The following PITPNM2 variants were observed in gnomAD, a reference collection of about 807,000 sequenced individuals.
The protein encoded by PITPNM2 is membrane-associated phosphatidylinositol transfer protein 2.
In PITPNM2, 35 loss-of-function variants were observed where a neutral mutation model predicts 132.2. That is an observed-to-expected ratio of 0.26 (90% CI 0.20 to 0.35). The LOEUF (loss-of-function observed/expected upper bound fraction) is 0.35, where lower values mean the gene tolerates loss of function less well. PITPNM2 is among the 10% of genes least tolerant of loss of function. The probability of loss-of-function intolerance (pLI) is 1.00; values close to 1 mark genes in which losing one functional copy is unlikely to be tolerated. For synonymous variants in PITPNM2, 738 were observed against 799.2 expected (o/e 0.92, Z 1.29); for missense variants, 1,332 against 1,912.0 (o/e 0.70, Z 5.66).
Position 123,009,088 on chromosome 12 carries a change from C to T in PITPNM2, c.643+762G>A, listed in dbSNP as rs2039061931. On this transcript the variant is annotated intron_variant, in intron 6 of 25. Transcript: ENST00000320201. The surrounding 1 kb of genome is among the most constrained non-coding windows in gnomAD (Gnocchi z 4.8). ...GGTTATCGTAAGCTTACGTGACAAGCGTGATATGTACTGTCAACAGTGTGG... is the reference window on the plus strand; with the variant it reads ...GGTTATCGTAAGCTTACGTGACAAGTGTGATATGTACTGTCAACAGTGTGG... Among the ~76,000 whole-genome samples, 4 of 152,184 alleles carry T rather than the reference C, an allele frequency of 2.6e-5. No homozygotes were observed. The highest frequency in any genetic ancestry group is 5.9e-5 in the Non-Finnish European group (4 of 68,040).
At chr12:122,990,516 G>T in intron 17 of PITPNM2, 29 bp downstream of exon 17, 1 of 1,610,496 alleles carries the variant, frequency 6.2e-7, no homozygotes, top group Non-Finnish European at 8.5e-7. Flanking sequence ...CTGGCTGAGT[G>T]AGGAGGGTGA....
Position 122,985,280 on chromosome 12 carries a change from A to C in PITPNM2, c.*747T>G, listed in dbSNP as rs2037888832. On this transcript the variant is annotated 3_prime_UTR_variant, in exon 26 of 26. Coordinates refer to ENST00000320201, the MANE Select transcript of PITPNM2 (RefSeq NM_020845.3). ...AAACGTGGGCGGGCGGCCTTGACTGATGGCAGGGAGCGGAAGAGGCGGCCA... is the reference window on the plus strand; with the variant it reads ...AAACGTGGGCGGGCGGCCTTGACTGCTGGCAGGGAGCGGAAGAGGCGGCCA... 6.6e-6 allele frequency: 1 copy of C among 152,476 alleles called. No homozygotes were observed. The highest frequency in any genetic ancestry group is 2.1e-4 in the South Asian group (1 of 4,838). The allele number at this position is 152,476 out of a possible 1,614,324, so 9.4% of individuals were successfully genotyped here. A position where few individuals can be genotyped will look rare whatever the true frequency, so the allele number is the denominator to read the frequency against.
intron 3 of PITPNM2, among the ~76,000 whole-genome samples, chr12:123,025,309 G>C (rs1270195298): frequency 6.6e-6 from 1 of 152,144 alleles, no homozygotes; most frequent in Non-Finnish European, 1.5e-5. Flanking sequence ...CCATGGCCCA[G>C]AGCGATTGAG....
chr12:123,051,764 G>A (rs948799587), intron 2 of PITPNM2, among the ~76,000 whole-genome samples: 1 of 152,190 alleles, frequency 6.6e-6, no homozygotes, highest in African/African-American at 2.4e-5. Context: ...CTTAGGATGA[G>A]GGTCTGTTTT....
At chr12:123,034,813 C>G in intron 2 of PITPNM2, 128 bp from the exon 3 acceptor site, 1 of 521,694 alleles carries the variant, frequency 1.9e-6, no homozygotes, top group Non-Finnish European at 3.4e-6. Flanking sequence ...CATGATCCAA[C>G]GGTGCAACTT....
At position 123,108,423 on chromosome 12, in the gene PITPNM2, A is replaced by G. The variant is rs1431825176; in HGVS notation, c.-96+1962T>C. ...GTGTTGAAGCAGCGTCCCTCAGAGC[A>G]ATGTCAGTGCTCAGGCCATGCAGGG... On this transcript the variant is annotated intron_variant, in intron 2 of 25. Transcript: ENST00000320201. The surrounding 1 kb of genome is among the most constrained non-coding windows in gnomAD (Gnocchi z 4.4). 6.6e-6 allele frequency among the ~76,000 whole-genome samples: 1 copy of G among 152,148 alleles called. No individual in the cohort carries two copies. The highest frequency in any genetic ancestry group is 1.9e-4 in the East Asian group (1 of 5,180).
At chr12:123,068,073 C>T (rs1197308256) in intron 2 of PITPNM2, among the ~76,000 whole-genome samples, 1 of 152,198 alleles carries the variant, frequency 6.6e-6, no homozygotes, top group Non-Finnish European at 1.5e-5. Flanking sequence ...CACTGGCCTC[C>T]CCCTGCCCAG....
intron 1 of PITPNM2, among the ~76,000 whole-genome samples, chr12:123,114,320 A>G (rs1345370175): frequency 6.6e-6 from 1 of 151,842 alleles, no homozygotes; most frequent in Non-Finnish European, 1.5e-5. Flanking sequence ...AGAGGGTGAG[A>G]GTAAGTTTCT....
chr12:123,127,441 GA>G (rs1215388327), intron 1 of PITPNM2, among the ~76,000 whole-genome samples: 2 of 152,126 alleles, frequency 1.3e-5, no homozygotes, highest in Non-Finnish European at 2.9e-5. Flanking sequence ...CTGACGCATA[GA>G]AAAACAATGG....
intron 11 of PITPNM2, 86 bp from the exon 12 acceptor site, chr12:122,996,996 G>A: frequency 7.8e-7 from 1 of 1,284,556 alleles, no homozygotes; most frequent in East Asian, 2.5e-5. Context: ...TCTCAGCCAT[G>A]GACTCAGCAT....
chr12:123,007,857 C>T (rs1414060684), intron 6 of PITPNM2, among the ~76,000 whole-genome samples: 2 of 152,146 alleles, frequency 1.3e-5, no homozygotes, highest in Non-Finnish European at 2.9e-5. Flanking sequence ...TGAGAGCTGT[C>T]CCAACCCCCA....
chr12:123,098,740 G>A (rs1173214688), intron 2 of PITPNM2, among the ~76,000 whole-genome samples: 3 of 152,054 alleles, frequency 2.0e-5, no homozygotes, highest in East Asian at 1.9e-4. Context: ...CAAGGTTGGC[G>A]AGTGAGTCCC....
At position 122,992,789 on chromosome 12, in the gene PITPNM2, T is replaced by G. The variant is rs1031770961; in HGVS notation, c.2234-120A>C. 4 of 692,590 alleles carry G rather than the reference T, an allele frequency of 5.8e-6. No homozygotes were observed. Among genetic ancestry groups the G allele is most frequent in the African/African-American group, 1.8e-5 (1 of 54,230 alleles). The allele number at this position is 692,590 out of a possible 1,614,324, so 42.9% of individuals were successfully genotyped here. A position where few individuals can be genotyped will look rare whatever the true frequency, so the allele number is the denominator to read the frequency against. ...TGAAAGTTAGGGATAAGATGGGGGG[T>G]GTGTCTCTATCAATTTGGGACCTGT... On this transcript the variant is annotated intron_variant, in intron 15 of 25. Transcript: ENST00000320201. This position sits in a 1 kb window ranked among gnomAD's most constrained non-coding sequence, Gnocchi z 6.5.
chr12:122,996,349 C>G (rs1220960672), intron 13 of PITPNM2, 109 bp downstream of exon 13: 4 of 1,451,454 alleles, frequency 2.8e-6, no homozygotes. Context: ...CAGCATTCTG[C>G]TTGGTGGACA....
chr12:123,002,321 G>A (rs1000948296), intron 8 of PITPNM2, among the ~76,000 whole-genome samples: 1 of 152,236 alleles, frequency 6.6e-6, no homozygotes, highest in Non-Finnish European at 1.5e-5. Flanking sequence ...GGGCAACAGA[G>A]TGAGACTCCG....
chr12:122,996,515 G>T lies in PITPNM2; in HGVS notation c.1725C>A (p.Asn575Lys), dbSNP rs759067306. Residue 575 changes from asparagine to lysine, a missense_variant, in exon 13 of 26, where the codon AAC becomes AAA. Coordinates refer to ENST00000320201, the MANE Select transcript of PITPNM2 (RefSeq NM_020845.3). ...TGCTCTGACTCTCAGACACCGGCTG[G>T]TTACTGTAGCACAGGGCATCAAATG... ...ILAFDALCYS[N>K]QPVSESQSSS... The T allele has an allele frequency of 5.6e-6, 9 of 1,613,008 alleles. No homozygotes were observed. Among genetic ancestry groups the T allele is most frequent in the Non-Finnish European group, 7.6e-6 (9 of 1,180,036 alleles).
At chr12:123,102,868 T>C (rs1379484102) in intron 2 of PITPNM2, among the ~76,000 whole-genome samples, 1 of 152,204 alleles carries the variant, frequency 6.6e-6, no homozygotes, top group Non-Finnish European at 1.5e-5. Context: ...CCTGTAGGGC[T>C]GTCAGATCTC....
Position 123,031,791 on chromosome 12 carries a change from C to T in PITPNM2, c.78+2722G>A, listed in dbSNP as rs954994784. On this transcript the variant is annotated intron_variant, in intron 3 of 25. Coordinates refer to ENST00000320201, the MANE Select transcript of PITPNM2 (RefSeq NM_020845.3). This position sits in a 1 kb window ranked among gnomAD's most constrained non-coding sequence, Gnocchi z 4.5. ...TCCCGGCAATACCTGGTTTCTTTCA[C>T]CTTTCTTTTTTAACAGGAAAGCAGA... Among the ~76,000 whole-genome samples, 2 of 152,210 alleles carry T rather than the reference C, an allele frequency of 1.3e-5. No homozygotes were observed. The highest frequency in any genetic ancestry group is 1.3e-4 in the Admixed American group (2 of 15,280).
chr12:123,033,643 G>A (rs541502481), intron 3 of PITPNM2, among the ~76,000 whole-genome samples: 1 of 152,276 alleles, frequency 6.6e-6, no homozygotes, highest in African/African-American at 2.4e-5. Context: ...GTGCTCCTTG[G>A]CAAGGCATTT....
Sources: gnomAD v4.1 joint callset for allele counts (sites outside exome capture counted in the v4.1 genomes callset) on GRCh38, gnomAD v4.1.1 for gene constraint, Gnocchi (gnomAD v3.1) non-coding constraint, MANE v1.5 for transcripts, NCBI Gene and HGNC (gene_info 2026-07-23, HGNC 2026-07-21) for gene names.